Variants in PXDC1 observed in about 807,000 individuals in gnomAD.
PXDC1 encodes the protein PX domain containing 1.
In PXDC1, 13 loss-of-function variants were observed where a neutral mutation model predicts 24.4. The observed-to-expected ratio is 0.53, with a 90% CI of 0.35 to 0.85. The LOEUF is 0.85. Ranked by LOEUF, PXDC1 falls within the 40% of genes least tolerant of loss-of-function variation. The probability of loss-of-function intolerance (pLI) is 0.01; values close to 1 mark genes in which losing one functional copy is unlikely to be tolerated. For synonymous variants in PXDC1, 162 were observed against 124.9 expected (o/e 1.30, Z -1.98); for missense variants, 344 against 309.3 (o/e 1.11, Z -0.84).
At chr6:3,734,460 GA>G (rs755089619) in intron 3 of PXDC1, among the ~76,000 whole-genome samples, 2 of 152,122 alleles carry the variant, frequency 1.3e-5, no homozygotes, top group African/African-American at 2.4e-5. Flanking sequence ...TCAGACTAAA[GA>G]ACCAGGCTTC....
chr6:3,732,896 T>C (rs1760234052), intron 3 of PXDC1, among the ~76,000 whole-genome samples: 2 of 151,914 alleles, frequency 1.3e-5, no homozygotes, highest in Non-Finnish European at 2.9e-5. Flanking sequence ...AGGAGGAGGG[T>C]GGATGTGGGC....
At chr6:3,731,165 A>G (rs1760186670) in intron 3 of PXDC1, among the ~76,000 whole-genome samples, 1 of 152,192 alleles carries the variant, frequency 6.6e-6, no homozygotes, top group African/African-American at 2.4e-5. Context: ...GATTAATGAA[A>G]AACAGTGTTC....
At position 3,724,289 on chromosome 6, in the gene PXDC1, G is replaced by A. The variant is rs755758418; in HGVS notation, c.579-553C>T. 1.3e-4 allele frequency among the ~76,000 whole-genome samples: 20 copies of A among 152,176 alleles called. No homozygotes were observed. Among genetic ancestry groups the A allele is most frequent in the East Asian group, 3.9e-4 (2 of 5,164 alleles). On this transcript the variant is annotated intron_variant, in intron 4 of 4. Coordinates refer to ENST00000380283, the MANE Select transcript of PXDC1 (RefSeq NM_183373.4). The surrounding 1 kb of genome is among the most constrained non-coding windows in gnomAD (Gnocchi z 4.5). ...CTGCATGTGGGTACGTGTTTCATTCGCGCTCTGGCAGATGAGAAGCATCCG... is the reference window on the plus strand; with the variant it reads ...CTGCATGTGGGTACGTGTTTCATTCACGCTCTGGCAGATGAGAAGCATCCG...
chr6:3,728,936 G>A lies in PXDC1; in HGVS notation c.467-1274C>T, dbSNP rs565587959. Among the ~76,000 whole-genome samples, 2 of 152,086 alleles carry A rather than the reference G, an allele frequency of 1.3e-5. No individual in the cohort carries two copies. The highest frequency in any genetic ancestry group is 1.9e-4 in the East Asian group (1 of 5,174). ...CAGGACCACCTTCATCTGTTCTTTC[G>A]ACTCAGAACCTCTATGCACCCCATC... is the stretch of plus-strand genomic sequence containing the variant. On this transcript the variant is annotated intron_variant, in intron 3 of 4. Transcript: ENST00000380283. The surrounding 1 kb of genome is among the most constrained non-coding windows in gnomAD (Gnocchi z 4.0).
chr6:3,738,961 C>G, intron 1 of PXDC1: 2 of 1,294,048 alleles, frequency 1.5e-6, no homozygotes, highest in Non-Finnish European at 2.0e-6. Context: ...GAGGCTGATG[C>G]AAACGTGCCT....
Position 3,724,288 on chromosome 6 carries a change from C to T in PXDC1, c.579-552G>A, listed in dbSNP as rs1266085309. Among the ~76,000 whole-genome samples, 3 of 152,004 alleles carry T rather than the reference C, an allele frequency of 2.0e-5. No homozygotes were observed. Among genetic ancestry groups the T allele is most frequent in the Non-Finnish European group, 2.9e-5 (2 of 67,992 alleles). On this transcript the variant is annotated intron_variant, in intron 4 of 4. Coordinates refer to ENST00000380283, the MANE Select transcript of PXDC1 (RefSeq NM_183373.4). The surrounding 1 kb of genome is among the most constrained non-coding windows in gnomAD (Gnocchi z 4.5). ...CCTGCATGTGGGTACGTGTTTCATTCGCGCTCTGGCAGATGAGAAGCATCC... is the reference window on the plus strand; with the variant it reads ...CCTGCATGTGGGTACGTGTTTCATTTGCGCTCTGGCAGATGAGAAGCATCC...
At position 3,737,970 on chromosome 6, in the gene PXDC1, C is replaced by A; in HGVS notation, c.348+87G>T. The A allele has an allele frequency of 1.8e-6, 2 of 1,119,716 alleles. No individual in the cohort carries two copies. Among genetic ancestry groups the A allele is most frequent in the East Asian group, 2.3e-5 (1 of 42,664 alleles). 69.4% of individuals were successfully genotyped at this position (1,119,716 alleles called of 1,614,324 possible). ...AAGTGAGACAGAGCAAGCAAGTCAA[C>A]CCTCCGGGGGGATGGACGCCTTTCG... On this transcript the variant is annotated intron_variant, in intron 2 of 4. Coordinates refer to ENST00000380283, the MANE Select transcript of PXDC1 (RefSeq NM_183373.4). The surrounding 1 kb of genome is among the most constrained non-coding windows in gnomAD (Gnocchi z 5.5).
At chr6:3,750,585 C>T (rs984812101) in intron 1 of PXDC1, among the ~76,000 whole-genome samples, 1 of 152,208 alleles carries the variant, frequency 6.6e-6, no homozygotes, top group African/African-American at 2.4e-5. Flanking sequence ...GGGAAGCCAC[C>T]GCGGTTTCTG....
At chr6:3,750,316 A>G (rs1760673475) in intron 1 of PXDC1, among the ~76,000 whole-genome samples, 1 of 152,180 alleles carries the variant, frequency 6.6e-6, no homozygotes, top group South Asian at 2.1e-4. Context: ...TGCAGAAAAG[A>G]AGGCTGCTGG....
chr6:3,751,601 G>GCCCC lies in PXDC1; in HGVS notation c.-71_-70insGGGG. ...GCCCGCCCGCAGGAGGCGCGCCCCGGCCGGGGTCGTCCCGGGTCTGTCCGT... is the reference window on the plus strand; with the variant it reads ...GCCCGCCCGCAGGAGGCGCGCCCCGGCCCCCCGGGGTCGTCCCGGGTCTGTCCGT... On this transcript the variant is annotated 5_prime_UTR_variant, in exon 1 of 5. Coordinates refer to ENST00000380283, the MANE Select transcript of PXDC1 (RefSeq NM_183373.4). 1 of 1,423,486 alleles carries GCCCC rather than the reference G, an allele frequency of 7.0e-7. No individual in the cohort carries two copies. Among genetic ancestry groups the GCCCC allele is most frequent in the East Asian group, 2.8e-5 (1 of 35,516 alleles). 88.2% of individuals were successfully genotyped at this position (1,423,486 alleles called of 1,614,324 possible). A position where few individuals can be genotyped will look rare whatever the true frequency, so the allele number is the denominator to read the frequency against.
At chr6:3,747,163 C>T (rs2127602615) in intron 1 of PXDC1, among the ~76,000 whole-genome samples, 1 of 152,062 alleles carries the variant, frequency 6.6e-6, no homozygotes, top group Non-Finnish European at 1.5e-5. Context: ...CCTGCCGACT[C>T]CCCCATGGCA....
chr6:3,745,832 C>T (rs1760557806), intron 1 of PXDC1, among the ~76,000 whole-genome samples: 1 of 152,204 alleles, frequency 6.6e-6, no homozygotes, highest in Non-Finnish European at 1.5e-5. Context: ...CGCTGTCCAC[C>T]ATGTGTTTTC....
chr6:3,726,547 A>AC (rs971552209), intron 4 of PXDC1, among the ~76,000 whole-genome samples: 89 of 152,124 alleles, frequency 5.9e-4, no homozygotes, highest in African/African-American at 1.7e-3. Flanking sequence ...CCTGACAGGG[A>AC]CCCCCCCATG....
At position 3,726,813 on chromosome 6, in the gene PXDC1, C is replaced by A. The variant is rs535993288; in HGVS notation, c.578+738G>T. On this transcript the variant is annotated intron_variant, in intron 4 of 4. Transcript: ENST00000380283. Reference sequence around the variant, plus strand: ...GAGCTGCCTCTGTGGGACTCTCAAGCGGGATGTTTTACACTCACCATCTGT... The same window carrying A: ...GAGCTGCCTCTGTGGGACTCTCAAGAGGGATGTTTTACACTCACCATCTGT... Among the ~76,000 whole-genome samples, 267 of 152,352 alleles carry A rather than the reference C, an allele frequency of 1.8e-3. 3 individuals are homozygous for A. The highest frequency in any genetic ancestry group is 3.2e-3 in the Non-Finnish European group (219 of 68,030).
rs1476049812 is a variant in PXDC1 at position 3,723,037 on chromosome 6, TC to T, written c.*581del. 6.6e-6 allele frequency: 1 copy of T among 150,864 alleles called. No homozygotes were observed. The highest frequency in any genetic ancestry group is 2.0e-4 in the East Asian group (1 of 5,118). The allele number at this position is 150,864 out of a possible 1,614,324, so 9.3% of individuals were successfully genotyped here. A position where few individuals can be genotyped will look rare whatever the true frequency, so the allele number is the denominator to read the frequency against. ...ACTGTGCTGGGCCTTCTGCAAATAC[TC>T]CTGGGGTTGACCCAAACCCAGTTTC... On this transcript the variant is annotated 3_prime_UTR_variant, in exon 5 of 5. Transcript: ENST00000380283.
chr6:3,748,351 T>G (rs1248911439), intron 1 of PXDC1, among the ~76,000 whole-genome samples: 2 of 151,534 alleles, frequency 1.3e-5, no homozygotes, highest in South Asian at 2.1e-4. Context: ...GAAGGTCGGG[T>G]GGGAGAGTGA....
chr6:3,738,677 A>T (rs1241289306), intron 1 of PXDC1: 1 of 830,148 alleles, frequency 1.2e-6, no homozygotes, highest in African/African-American at 1.8e-5. Flanking sequence ...CTCTGCCTGG[A>T]CAAAACCAAA....
chr6:3,751,166 G>A, intron 1 of PXDC1, 110 bp downstream of exon 1: 4 of 877,306 alleles, frequency 4.6e-6, no homozygotes, highest in Non-Finnish European at 4.9e-6. Flanking sequence ...CCTGTCCAGG[G>A]CGGGCAGAAA....
intron 1 of PXDC1, among the ~76,000 whole-genome samples, chr6:3,749,968 T>C (rs1413381983): frequency 6.6e-6 from 1 of 152,194 alleles, no homozygotes; most frequent in Non-Finnish European, 1.5e-5. Context: ...AAACAGCAAA[T>C]CCAAGGAAAA....
Sources: allele counts gnomAD v4.1 joint callset (sites outside exome capture counted in the v4.1 genomes callset), GRCh38; gene constraint gnomAD v4.1.1; non-coding constraint Gnocchi (gnomAD v3.1); transcripts MANE v1.5; gene names NCBI Gene and HGNC (gene_info 2026-07-23, HGNC 2026-07-21).